Variants in LRRC7 observed in about 807,000 individuals in gnomAD.
LRRC7 encodes leucine rich repeat containing 7.
A neutral mutation model predicts 175.7 loss-of-function variants in LRRC7; 23 were observed. The ratio of observed to expected loss-of-function variants is 0.13; its 90% confidence interval spans 0.09 to 0.19. LRRC7 has a LOEUF of 0.19. Ranked by LOEUF, LRRC7 falls within the 10% of genes least tolerant of loss-of-function variation. The pLI, the probability that LRRC7 is intolerant of heterozygous loss-of-function variation, is 1.00. For missense variants in LRRC7, 1,354 were observed against 1,904.7 expected (o/e 0.71, Z 5.38); for synonymous variants, 685 against 680.9 (o/e 1.01, Z -0.09).
intron 8 of LRRC7, among the ~76,000 whole-genome samples, chr1:69,958,058 T>C (rs1261861195): frequency 6.6e-6 from 1 of 151,984 alleles, no homozygotes; most frequent in Non-Finnish European, 1.5e-5. Context: ...ATAATTATAA[T>C]TTATGTTAAT....
chr1:69,960,788 T>TAAA (rs111268418), intron 8 of LRRC7, among the ~76,000 whole-genome samples: 6 of 150,870 alleles, frequency 4.0e-5, no homozygotes, highest in East Asian at 1.9e-4. Context: ...CTCTTTATGT[T>TAAA]AAAAAAAAAC....
At chr1:69,837,423 T>C (rs764000968) in intron 6 of LRRC7, among the ~76,000 whole-genome samples, 20 of 151,932 alleles carry the variant, frequency 1.3e-4, no homozygotes, top group Admixed American at 7.9e-4. Flanking sequence ...CATATAAATC[T>C]GATACTGCTG....
At chr1:69,950,709 T>A (rs1416248417) in intron 8 of LRRC7, among the ~76,000 whole-genome samples, 1 of 152,030 alleles carries the variant, frequency 6.6e-6, no homozygotes, top group Non-Finnish European at 1.5e-5. Context: ...TGAAAATTAT[T>A]ATAATAGTTT....
intron 1 of LRRC7, among the ~76,000 whole-genome samples, chr1:69,666,567 T>C (rs998263108): frequency 1.3e-5 from 2 of 152,082 alleles, no homozygotes; most frequent in Non-Finnish European, 2.9e-5. Flanking sequence ...TGTAGGAATT[T>C]ATCAATTTCT....
chr1:69,575,188 T>G (rs1170096838), intron 1 of LRRC7, among the ~76,000 whole-genome samples: 1 of 152,148 alleles, frequency 6.6e-6, no homozygotes, highest in Non-Finnish European at 1.5e-5. Context: ...GTCATCCAAC[T>G]GTTAATGGGA....
intron 2 of LRRC7, among the ~76,000 whole-genome samples, chr1:69,686,887 G>A (rs1430308864): frequency 5.3e-5 from 8 of 151,830 alleles, no homozygotes; most frequent in Non-Finnish European, 8.8e-5. Context: ...ATAAAAAAAA[G>A]GTTAAATATA....
At chr1:69,702,339 C>T (rs1223048219) in intron 2 of LRRC7, among the ~76,000 whole-genome samples, 1 of 152,204 alleles carries the variant, frequency 6.6e-6, no homozygotes, top group East Asian at 1.9e-4. Context: ...GAACACAGCA[C>T]TGCAGATGAC....
At chr1:69,919,539 A>G (rs1056382341) in intron 7 of LRRC7, 3 of 793,966 alleles carry the variant, frequency 3.8e-6, no homozygotes, top group Middle Eastern at 2.6e-4. Context: ...CGCACCTGCT[A>G]GTGAAGCCAG....
At chr1:69,929,091 C>A (rs1647186775) in intron 7 of LRRC7, among the ~76,000 whole-genome samples, 1 of 152,152 alleles carries the variant, frequency 6.6e-6, no homozygotes, top group African/African-American at 2.4e-5. Flanking sequence ...TTTTTATCTA[C>A]ATTCATGCCC....
intron 1 of LRRC7, among the ~76,000 whole-genome samples, chr1:69,571,080 G>A (rs1204465525): frequency 6.6e-6 from 1 of 152,118 alleles, no homozygotes; most frequent in African/African-American, 2.4e-5. Flanking sequence ...AATATGTAAT[G>A]ATAAGAAAAA....
At chr1:70,048,690 C>G (rs541646411) in intron 22 of LRRC7, among the ~76,000 whole-genome samples, 1 of 152,060 alleles carries the variant, frequency 6.6e-6, no homozygotes, top group African/African-American at 2.4e-5. Flanking sequence ...ATCATGACCC[C>G]AATCATGCCC....
chr1:69,913,341 C>G (rs1646588729), intron 7 of LRRC7, among the ~76,000 whole-genome samples: 1 of 152,124 alleles, frequency 6.6e-6, no homozygotes. Flanking sequence ...CTGAAAAGTA[C>G]AAACAATCAC....
At chr1:69,771,441 A>G (rs1672232893) in intron 3 of LRRC7, among the ~76,000 whole-genome samples, 1 of 152,156 alleles carries the variant, frequency 6.6e-6, no homozygotes, top group African/African-American at 2.4e-5. Flanking sequence ...TCATTTTTTG[A>G]GCAGTTTTAT....
chr1:69,759,662 G>C (rs1007204734), intron 2 of LRRC7, among the ~76,000 whole-genome samples: 8 of 152,000 alleles, frequency 5.3e-5, no homozygotes, highest in African/African-American at 1.9e-4. Flanking sequence ...CTAGAACAGT[G>C]CCTAAAACAG....
Position 69,568,356 on chromosome 1 carries a change from G to T in LRRC7, c.-284G>T. 4.8e-6 allele frequency: 1 copy of T among 206,264 alleles called. No homozygotes were observed. Among genetic ancestry groups the T allele is most frequent in the Non-Finnish European group, 9.8e-6 (1 of 101,614 alleles). The allele number at this position is 206,264 out of a possible 1,614,324, so 12.8% of individuals were successfully genotyped here. A position where few individuals can be genotyped will look rare whatever the true frequency, so the allele number is the denominator to read the frequency against. On this transcript the variant is annotated 5_prime_UTR_variant, in exon 1 of 27. Transcript: ENST00000651989. ...CAGGCTGAGGCTGGGGAGTGGACGC[G>T]CTCCTGCCTCCCCCGCCGGCGCTTC...
intron 7 of LRRC7, among the ~76,000 whole-genome samples, chr1:69,848,473 T>G (rs1682614046): frequency 6.6e-6 from 1 of 152,082 alleles, no homozygotes. Flanking sequence ...TCAGATATAT[T>G]TTATTATAGC....
At position 70,138,422 on chromosome 1, in the gene LRRC7, A is replaced by G. The variant is rs1666949838; in HGVS notation, c.*16535A>G. The G allele has an allele frequency of 6.6e-6, 1 of 152,180 alleles. No individual in the cohort carries two copies. Among genetic ancestry groups the G allele is most frequent in the African/African-American group, 2.4e-5 (1 of 41,446 alleles). 9.4% of individuals were successfully genotyped at this position (152,180 alleles called of 1,614,324 possible). A position where few individuals can be genotyped will look rare whatever the true frequency, so the allele number is the denominator to read the frequency against. ...ATTCTACTTAAAAGTCTTTTTTTAA[A>G]ATTCCAAATACTTGTGGTAGTAGAA... On this transcript the variant is annotated 3_prime_UTR_variant, in exon 27 of 27. Transcript: ENST00000651989.
chr1:69,609,975 A>C (rs1003491733), intron 1 of LRRC7, among the ~76,000 whole-genome samples: 1 of 152,056 alleles, frequency 6.6e-6, no homozygotes, highest in African/African-American at 2.4e-5. Context: ...GCTATCTTCA[A>C]TAGTGATCAC....
At position 70,012,832 on chromosome 1, in the gene LRRC7, C is replaced by T. The variant is rs2101954524; in HGVS notation, c.1135-142C>T. On this transcript the variant is annotated intron_variant, in intron 12 of 26. Transcript: ENST00000651989. ...TATAATATACCTATATTTTAAAGAG[C>T]TACATTATAAAAACAAAACAATGCA... 9.0e-6 allele frequency: 3 copies of T among 332,410 alleles called. No individual in the cohort carries two copies. In the South Asian group the frequency reaches 1.8e-4, roughly 20 times the overall value. The allele number at this position is 332,410 out of a possible 1,614,324, so 20.6% of individuals were successfully genotyped here. A position where few individuals can be genotyped will look rare whatever the true frequency, so the allele number is the denominator to read the frequency against.
Sources: allele counts gnomAD v4.1 joint callset (sites outside exome capture counted in the v4.1 genomes callset), GRCh38; gene constraint gnomAD v4.1.1; transcripts MANE v1.5; gene names NCBI Gene and HGNC (gene_info 2026-07-23, HGNC 2026-07-21).